The following KIAA1143 variants were observed in gnomAD, a reference collection of about 807,000 sequenced individuals.
KIAA1143 encodes uncharacterized protein KIAA1143.
Under a neutral mutation model 17.0 loss-of-function variants are expected in KIAA1143, and 8 were observed. The observed-to-expected ratio is 0.47, with a 90% CI of 0.28 to 0.85. KIAA1143 has a LOEUF of 0.85. Ranked by LOEUF, KIAA1143 falls within the 40% of genes least tolerant of loss-of-function variation. The pLI, the probability that KIAA1143 is intolerant of heterozygous loss-of-function variation, is 0.12. For missense variants in KIAA1143, 162 were observed against 183.3 expected, an observed-to-expected ratio of 0.88 and a Z score of 0.67; for synonymous variants, 64 against 67.8, an observed-to-expected ratio of 0.94 and a Z score of 0.27.
rs933212048 is a variant in KIAA1143, at chr3:44,751,231, T to C, written c.*2110A>G. 5.3e-5 allele frequency: 8 copies of C among 152,112 alleles called. No individual in the cohort carries two copies. Among genetic ancestry groups the C allele is most frequent in the African/African-American group, 1.9e-4 (8 of 41,402 alleles). 9.4% of individuals were successfully genotyped at this position (152,112 alleles called of 1,614,324 possible). On this transcript the variant is annotated 3_prime_UTR_variant, in exon 3 of 3. Transcript: ENST00000296121. The stretch of plus-strand genomic sequence containing the variant: ...GTAGACTGGAGACAGAAATATTGTA[T>C]GTCCCTAAATTAATATAGCTCCCAA...
intron 2 of KIAA1143, 80 bp downstream of exon 2, chr3:44,754,144 C>T (rs934609354): frequency 2.8e-6 from 4 of 1,453,248 alleles, no homozygotes; most frequent in Non-Finnish European, 3.8e-6. Context: ...TGAAACACAC[C>T]ACACTACTAA....
In KIAA1143 at chr3:44,753,521, G is replaced by C. The variant is rs770694843; in HGVS notation, c.285C>G (p.Ile95Met). ...DEEPTPADGR[I>M]IYRKPVKHPS... ...GATGCTTGACTGGTTTTCGATATAT[G>C]ATTCTTCCATCGGCTGGAGTTGGTT... The change falls in exon 3 of 3, where the codon ATC becomes ATG. Residue 95 changes from isoleucine (I) to methionine (M), a missense_variant. Ile to Met is a conservative substitution (Grantham distance 10). This residue lies in a region of KIAA1143 where 137 missense variants were observed against 132.5 expected (regional missense o/e 1.03). Transcript: ENST00000296121. 2 of 1,611,988 alleles carry C rather than the reference G, an allele frequency of 1.2e-6. No individual in the cohort carries two copies. The highest frequency in any genetic ancestry group is 1.7e-6 in the Non-Finnish European group (2 of 1,178,400).
chr3:44,757,629 C>T (rs1343777401), intron 1 of KIAA1143, among the ~76,000 whole-genome samples: 1 of 152,060 alleles, frequency 6.6e-6, no homozygotes, highest in Non-Finnish European at 1.5e-5. Flanking sequence ...TGAAGATAAA[C>T]AGGAAAGCAA....
intron 1 of KIAA1143, among the ~76,000 whole-genome samples, chr3:44,756,149 A>C (rs1704965878): frequency 6.6e-6 from 1 of 152,208 alleles, no homozygotes; most frequent in Admixed American, 6.5e-5. Flanking sequence ...ATTAATTCTG[A>C]CTCTCTTCTC....
In KIAA1143 at chr3:44,754,210, AC is replaced by A. The variant is rs773575131; in HGVS notation, c.253+13del. On this transcript the variant is annotated intron_variant, in intron 2 of 2. Coordinates refer to ENST00000296121, the MANE Select transcript of KIAA1143 (RefSeq NM_020696.4). ...CTTAAATTGTTAGAAAAACCAGATT[AC>A]TTTTAGACCTACCTGCTTTGGCAGC... 3.7e-6 allele frequency: 6 copies of A among 1,610,372 alleles called. No individual in the cohort carries two copies. The highest frequency in any genetic ancestry group is 5.1e-6 in the Non-Finnish European group (6 of 1,179,210).
At chr3:44,761,374 A>T in intron 1 of KIAA1143, 121 bp downstream of exon 1, 1 of 692,382 alleles carries the variant, frequency 1.4e-6, no homozygotes, top group South Asian at 1.9e-5. Flanking sequence ...GTTCCACCGG[A>T]ATTGGGTTCG....
In KIAA1143 at chr3:44,753,196, T is replaced by C; in HGVS notation, c.*145A>G. ...GCATTTTAAGTCAGAGGGGTATTGA[T>C]GAATAGATGTAGTTTATTAAATTTT... is the stretch of plus-strand genomic sequence containing the variant. On this transcript the variant is annotated 3_prime_UTR_variant, in exon 3 of 3. Coordinates refer to ENST00000296121, the MANE Select transcript of KIAA1143 (RefSeq NM_020696.4). 1 of 558,030 alleles carries C rather than the reference T, an allele frequency of 1.8e-6. No individual in the cohort carries two copies. 34.6% of individuals were successfully genotyped at this position (558,030 alleles called of 1,614,324 possible).
chr3:44,761,568 G>GT lies in KIAA1143; in HGVS notation c.34_35insA (p.Pro12HisfsTer25). 1.2e-6 allele frequency: 2 copies of GT among 1,614,116 alleles called. No individual in the cohort carries two copies. The highest frequency in any genetic ancestry group is 1.7e-6 in the Non-Finnish European group (2 of 1,180,032). On this transcript the variant is annotated frameshift_variant, in exon 1 of 3. Transcript: ENST00000296121. LOFTEE classifies it high-confidence loss of function. ...GCGGGCCAGAAACGCCGGCTCGGCT[G>GT]GCCGCACGTACGATACCTGGTTCCG...
chr3:44,755,376 T>A (rs2125879869), intron 1 of KIAA1143, among the ~76,000 whole-genome samples: 1 of 152,326 alleles, frequency 6.6e-6, no homozygotes, highest in Non-Finnish European at 1.5e-5. Context: ...TACCAAAATA[T>A]GTTTTCATAT....
intron 1 of KIAA1143, among the ~76,000 whole-genome samples, chr3:44,757,609 A>C (rs1482481002): frequency 6.6e-6 from 1 of 152,264 alleles, no homozygotes; most frequent in Admixed American, 6.5e-5. Flanking sequence ...TAAAGAGTTC[A>C]ATCTAGTGGT....
intron 1 of KIAA1143, among the ~76,000 whole-genome samples, chr3:44,756,879 T>C (rs1325376817): frequency 6.6e-6 from 1 of 152,218 alleles, no homozygotes; most frequent in African/African-American, 2.4e-5. Context: ...GTAAACTTCA[T>C]CATAGGTATA....
intron 2 of KIAA1143, 37 bp downstream of exon 2, chr3:44,754,187 T>C: frequency 3.1e-6 from 5 of 1,604,876 alleles, no homozygotes; most frequent in Non-Finnish European, 4.3e-6. Flanking sequence ...CTGGGCTCCT[T>C]AAATTGTTAG....
At chr3:44,759,182 A>C (rs1258092988) in intron 1 of KIAA1143, among the ~76,000 whole-genome samples, 4 of 152,138 alleles carry the variant, frequency 2.6e-5, no homozygotes, top group Non-Finnish European at 4.4e-5. Context: ...TTAAATAATA[A>C]GACTGAAAAT....
rs768258039 is a variant in KIAA1143, at chr3:44,753,416, C to A, written c.390G>T (p.Ser130=). ...TTTGTTTTTGTGAGTTCTTTTTGAC[C>A]GAGTCCTGATTTACTTCATCTTCAT... ...KPNEDEVNQD[S]VKKNSQKQIK... Residue 130 remains serine, a synonymous_variant, in exon 3 of 3, where the codon TCG becomes TCT. Coordinates refer to ENST00000296121, the MANE Select transcript of KIAA1143 (RefSeq NM_020696.4). 3.1e-6 allele frequency: 5 copies of A among 1,594,308 alleles called. No homozygotes were observed. Among genetic ancestry groups the A allele is most frequent in the Non-Finnish European group, 4.3e-6 (5 of 1,162,822 alleles).
chr3:44,759,338 C>CT (rs904379853), intron 1 of KIAA1143, among the ~76,000 whole-genome samples: 67 of 151,520 alleles, frequency 4.4e-4, no homozygotes, highest in African/African-American at 1.5e-3. Context: ...TTGAAAGAAT[C>CT]TTTTTTTTTC....
In KIAA1143 at chr3:44,754,179, G is replaced by T. The variant is rs1367503570; in HGVS notation, c.253+45C>A. 8 of 1,588,524 alleles carry T rather than the reference G, an allele frequency of 5.0e-6. No homozygotes were observed. In the Admixed American group the frequency reaches 6.8e-5, roughly 14 times the overall value. ...AATAAAATAAACAATTTCATACCCTGGGCTCCTTAAATTGTTAGAAAAACC... is the reference window on the plus strand; with the variant it reads ...AATAAAATAAACAATTTCATACCCTTGGCTCCTTAAATTGTTAGAAAAACC... On this transcript the variant is annotated intron_variant, in intron 2 of 2. Transcript: ENST00000296121.
chr3:44,756,719 A>T (rs1261286469), intron 1 of KIAA1143, among the ~76,000 whole-genome samples: 1 of 152,204 alleles, frequency 6.6e-6, no homozygotes, highest in East Asian at 1.9e-4. Flanking sequence ...ACCTGTGGTC[A>T]ACTGTAGTAT....
intron 1 of KIAA1143, among the ~76,000 whole-genome samples, chr3:44,754,872 T>C (rs1440466793): frequency 2.0e-5 from 3 of 152,228 alleles, no homozygotes; most frequent in Non-Finnish European, 4.4e-5. Context: ...TCCACGTCTA[T>C]ACAACTATGT....
chr3:44,753,954 TA>T (rs893229040), intron 2 of KIAA1143, among the ~76,000 whole-genome samples: 324 of 146,112 alleles, frequency 2.2e-3, no homozygotes, highest in African/African-American at 6.2e-3. Context: ...ACCATCTATT[TA>T]AAAAAAAAAA....
Sources: allele counts gnomAD v4.1 joint callset (sites outside exome capture counted in the v4.1 genomes callset), GRCh38; gene constraint gnomAD v4.1.1; regional missense constraint gnomAD v4.1.1; transcripts MANE v1.5; gene names NCBI Gene and HGNC (gene_info 2026-07-23, HGNC 2026-07-21).